The following FBN3 variants were observed in gnomAD, a reference collection of about 807,000 sequenced individuals.
FBN3 encodes the protein fibrillin 3, also known as fibrillin-3.
Under a neutral mutation model 330.1 loss-of-function variants are expected in FBN3, and 234 were observed. The ratio of observed to expected loss-of-function variants is 0.71; its 90% confidence interval spans 0.64 to 0.79. The LOEUF (loss-of-function observed/expected upper bound fraction) is 0.79. Among genes scored for constraint, FBN3 ranks in the 30% least tolerant of loss-of-function variants. The pLI, the probability that FBN3 is intolerant of heterozygous loss-of-function variation, is 0.00. For synonymous variants in FBN3, 1,458 were observed against 1,517.3 expected, an observed-to-expected ratio of 0.96 and a Z score of 0.91; for missense variants, 3,606 against 3,886.9, an observed-to-expected ratio of 0.93 and a Z score of 1.92.
chr19:8,133,633 T>C (rs186823086), intron 13 of FBN3, among the ~76,000 whole-genome samples: 2,924 of 152,082 alleles, frequency 0.019, 54 homozygotes, highest in Non-Finnish European at 0.022. Context: ...TTTGTATTTT[T>C]AGTAGAGACG....
rs1480571112 is a variant in FBN3, at chr19:8,145,932, CCTG to C, written c.353_355del (p.Ser118_Gly119delinsTrp). On this transcript the variant is annotated inframe_deletion, in exon 5 of 64. Transcript: ENST00000600128. ...CCCATTCATACAGCTCACACTGCAC[CCTG>C]ACCCTGGGGACAGGAAGGCAGGACG... 4.5e-6 allele frequency: 7 copies of C among 1,551,204 alleles called. No individual in the cohort carries two copies. The Admixed American group carries it at 7.8e-5, about 17-fold the overall frequency.
Position 8,123,736 on chromosome 19 carries a change from G to A in FBN3, c.2956+48C>T, listed in dbSNP as rs747952304. 44 of 1,600,270 alleles carry A rather than the reference G, an allele frequency of 2.7e-5. 1 individual carries two copies. In the East Asian group the frequency reaches 3.6e-4, roughly 13 times the overall value. ...CCATCTCCAGGCTTTTGCCTATGCCGTGCCCCTCCCCATCCTTCCAGGGGC... is the reference window on the plus strand; with the variant it reads ...CCATCTCCAGGCTTTTGCCTATGCCATGCCCCTCCCCATCCTTCCAGGGGC... On this transcript the variant is annotated intron_variant, in intron 23 of 63. Coordinates refer to ENST00000600128, the MANE Select transcript of FBN3 (RefSeq NM_032447.5).
intron 59 of FBN3, 92 bp downstream of exon 59, chr19:8,080,911 T>C (rs981188106): frequency 1.1e-6 from 1 of 912,276 alleles, no homozygotes; most frequent in East Asian, 2.5e-5. Flanking sequence ...CGTGAGCCAT[T>C]GCGCCTGGCC....
intron 42 of FBN3, 39 bp from the exon 43 acceptor site, chr19:8,097,045 A>G (rs1355631084): frequency 6.2e-7 from 1 of 1,601,436 alleles, no homozygotes; most frequent in African/African-American, 1.3e-5. Flanking sequence ...GTGACAGAGA[A>G]GCCCATCCTG....
intron 37 of FBN3, among the ~76,000 whole-genome samples, chr19:8,107,809 T>A (rs761230687): frequency 1.3e-4 from 17 of 126,764 alleles, no homozygotes; most frequent in Non-Finnish European, 3.0e-4. Context: ...AATGGAAGGA[T>A]GGATGGATGG....
At chr19:8,125,242 T>G (rs948204602) in intron 22 of FBN3, among the ~76,000 whole-genome samples, 3 of 151,662 alleles carry the variant, frequency 2.0e-5, no homozygotes, top group Non-Finnish European at 1.5e-5. Flanking sequence ...AAAATATATA[T>G]AGATATACCA....
chr19:8,110,596 A>G (rs2082555397), intron 34 of FBN3, among the ~76,000 whole-genome samples: 1 of 152,228 alleles, frequency 6.6e-6, no homozygotes, highest in South Asian at 2.1e-4. Context: ...GCCCATTTCT[A>G]AAACACACAG....
Position 8,087,701 on chromosome 19 carries a change from G to A in FBN3, c.6619+124C>T, listed in dbSNP as rs567826056. On this transcript the variant is annotated intron_variant, in intron 53 of 63. Coordinates refer to ENST00000600128, the MANE Select transcript of FBN3 (RefSeq NM_032447.5). ...GGCTCACTGCAACCTCCGCCTCCCA[G>A]GTTCAAGCGATTCTCCTGTCTCTCA... 1.3e-4 allele frequency: 104 copies of A among 806,254 alleles called. 2 individuals are homozygous for A. Among genetic ancestry groups the A allele is most frequent in the Middle Eastern group, 3.7e-4 (1 of 2,736 alleles). The allele number at this position is 806,254 out of a possible 1,614,324, so 49.9% of individuals were successfully genotyped here.
chr19:8,116,068 C>T (rs2082698284), intron 29 of FBN3, among the ~76,000 whole-genome samples: 1 of 152,146 alleles, frequency 6.6e-6, no homozygotes, highest in African/African-American at 2.4e-5. Flanking sequence ...CGCTGAAGCA[C>T]TTGCTCTCTG....
In FBN3 at chr19:8,117,270, T is replaced by C. The variant is rs764960893; in HGVS notation, c.3485A>G (p.Gln1162Arg). The change falls in exon 28 of 64, where the codon CAG becomes CGG. Residue 1162 changes from glutamine to arginine, a missense_variant. Coordinates refer to ENST00000600128, the MANE Select transcript of FBN3 (RefSeq NM_032447.5). ...GCVDINECRV[Q>R]NGGCDVHCIN... is the part of the protein sequence containing the mutation. ...ACAGTGCACGTCACACCCACCATTC[T>C]GGACCCGGCATTCGTTGATGTCTGC... 1.3e-6 allele frequency: 2 copies of C among 1,572,178 alleles called. No individual in the cohort carries two copies. The highest frequency in any genetic ancestry group is 1.1e-5 in the South Asian group (1 of 90,140).
intron 22 of FBN3, among the ~76,000 whole-genome samples, chr19:8,125,071 A>C (rs1262388421): frequency 6.6e-6 from 1 of 152,088 alleles, no homozygotes; most frequent in Admixed American, 6.6e-5. Flanking sequence ...ACGTGTGTGG[A>C]GGTGGGGGCT....
rs765032668 is a variant in FBN3 at position 8,131,694 on chromosome 19, C to T, written c.1850G>A (p.Arg617His). 77 of 1,614,132 alleles carry T rather than the reference C, an allele frequency of 4.8e-5. No homozygotes were observed. The highest frequency in any genetic ancestry group is 1.6e-4 in the Middle Eastern group (1 of 6,062). Residue 617 changes from arginine (R) to histidine (H), a missense_variant, in exon 15 of 64, where the codon CGC becomes CAC. By Grantham distance (29) the Arg-to-His change is conservative. Coordinates refer to ENST00000600128, the MANE Select transcript of FBN3 (RefSeq NM_032447.5). This position sits in a 1 kb window ranked among gnomAD's most constrained non-coding sequence, Gnocchi z 4.5. ...CTCGATGGCCCCATAGCAGGTGCTG[C>T]GCACGTGGGTGTCCACGCACACGCG... is the stretch of plus-strand genomic sequence containing the variant. Reference protein sequence around the residue: ...DGRVCVDTHVRSTCYGAIEKG... With the variant: ...DGRVCVDTHVHSTCYGAIEKG...
intron 26 of FBN3, among the ~76,000 whole-genome samples, chr19:8,118,062 C>G (rs2082749741): frequency 6.6e-6 from 1 of 151,988 alleles, no homozygotes; most frequent in Non-Finnish European, 1.5e-5. Context: ...CATACACACA[C>G]ACCCATGTGC....
chr19:8,071,022 CA>C (rs34381445), intron 63 of FBN3, among the ~76,000 whole-genome samples: 18,668 of 95,676 alleles, frequency 0.2, 1,035 homozygotes, highest in East Asian at 0.27. Flanking sequence ...GACTCTGTCT[CA>C]AAAAAAAAAA....
At chr19:8,123,699 C>A (rs919400245) in intron 23 of FBN3, 85 bp downstream of exon 23, 8 of 1,593,738 alleles carry the variant, frequency 5.0e-6, no homozygotes, top group East Asian at 2.2e-5. Flanking sequence ...CCTTTTCCCC[C>A]AAACACACTT....
chr19:8,111,921 TTGCCCCCCACC>T, intron 31 of FBN3, 45 bp downstream of exon 31: 1 of 225,094 alleles, frequency 4.4e-6, no homozygotes, highest in South Asian at 6.3e-5. Flanking sequence ...CCCCACCGCC[TTGCCCCCCACC>T]TACCTCTACT....
intron 58 of FBN3, 38 bp downstream of exon 58, chr19:8,081,320 G>A (rs770415915): frequency 6.4e-7 from 1 of 1,573,110 alleles, no homozygotes; most frequent in South Asian, 1.2e-5. Flanking sequence ...TAGACTGCAT[G>A]CAGTGGTGGG....
intron 13 of FBN3, 125 bp downstream of exon 13, chr19:8,135,836 G>C (rs2083264746): frequency 9.4e-7 from 1 of 1,063,752 alleles, no homozygotes; most frequent in African/African-American, 1.6e-5. Context: ...TGGGTTCAGA[G>C]GTGAGCAGAG....
chr19:8,072,716 G>A (rs975036520), intron 62 of FBN3, among the ~76,000 whole-genome samples: 23 of 103,138 alleles, frequency 2.2e-4, no homozygotes, highest in East Asian at 9.3e-4. Flanking sequence ...GGACATGCGC[G>A]CGTGCACACA....
Sources: allele counts gnomAD v4.1 joint callset (sites outside exome capture counted in the v4.1 genomes callset), GRCh38; gene constraint gnomAD v4.1.1; non-coding constraint Gnocchi (gnomAD v3.1); transcripts MANE v1.5; gene names NCBI Gene and HGNC (gene_info 2026-07-23, HGNC 2026-07-21).